Variants in CA8 observed in about 807,000 individuals in gnomAD.
CA8 encodes the protein carbonic anhydrase-related protein.
Under a neutral mutation model 41.4 loss-of-function variants are expected in CA8, and 22 were observed. The ratio of observed to expected loss-of-function variants is 0.53; its 90% CI spans 0.38 to 0.76. The LOEUF (loss-of-function observed/expected upper bound fraction) is 0.76, where lower values mean the gene tolerates loss of function less well. Among genes scored for constraint, CA8 ranks in the 30% least tolerant of loss-of-function variants. The pLI is 0.00. For missense variants in CA8, 270 were observed against 352.8 expected, an observed-to-expected ratio of 0.77 and a Z score of 1.88; for synonymous variants, 121 against 130.6, an observed-to-expected ratio of 0.93 and a Z score of 0.50.
At chr8:60,245,761 CAA>C (rs1434366069) in intron 3 of CA8, among the ~76,000 whole-genome samples, 1 of 152,030 alleles carries the variant, frequency 6.6e-6, no homozygotes, top group Non-Finnish European at 1.5e-5. Flanking sequence ...GTGAGGTTTT[CAA>C]AAAGGTCAAT....
At position 60,187,532 on chromosome 8, in the gene CA8, A is replaced by C. The variant is rs141197156; in HGVS notation, c.*2489T>G. 6.6e-6 allele frequency: 1 copy of C among 152,224 alleles called. No homozygotes were observed. The highest frequency in any genetic ancestry group is 1.9e-4 in the East Asian group (1 of 5,182). The allele number at this position is 152,224 out of a possible 1,614,324, so 9.4% of individuals were successfully genotyped here. On this transcript the variant is annotated 3_prime_UTR_variant, in exon 9 of 9. Transcript: ENST00000317995. ...CATAGAGAATACAAACACAATAGAGAAAACCCCAAAATCCACTTTGGCTCC... is the reference window on the plus strand; with the variant it reads ...CATAGAGAATACAAACACAATAGAGCAAACCCCAAAATCCACTTTGGCTCC...
chr8:60,268,489 C>T (rs570198272), intron 2 of CA8, among the ~76,000 whole-genome samples: 199 of 152,274 alleles, frequency 1.3e-3, no homozygotes, highest in African/African-American at 5.5e-4. Flanking sequence ...ATATACTCCC[C>T]GCATGACCAA....
At chr8:60,229,160 G>GTT (rs11461598) in intron 4 of CA8, among the ~76,000 whole-genome samples, 2,301 of 149,398 alleles carry the variant, frequency 0.015, 63 homozygotes, top group African/African-American at 0.051. Flanking sequence ...TGAACCACCT[G>GTT]TTTTTTTTTT....
chr8:60,280,168 G>C (rs1458188016), intron 1 of CA8, among the ~76,000 whole-genome samples: 1 of 152,096 alleles, frequency 6.6e-6, no homozygotes, highest in African/African-American at 2.4e-5. Flanking sequence ...TCATTTTTAA[G>C]TGATTAGGAA....
rs1806042002 is a variant in CA8, at chr8:60,189,063, C to T, written c.*958G>A. 1 of 152,086 alleles carries T rather than the reference C, an allele frequency of 6.6e-6. No individual in the cohort carries two copies. Among genetic ancestry groups the T allele is most frequent in the African/African-American group, 2.4e-5 (1 of 41,422 alleles). 9.4% of individuals were successfully genotyped at this position (152,086 alleles called of 1,614,324 possible). On this transcript the variant is annotated 3_prime_UTR_variant, in exon 9 of 9. Transcript: ENST00000317995. The stretch of plus-strand genomic sequence containing the variant: ...TATCTCATTCTGTCACATCTAACGG[C>T]AACTAAGTATACGCTTACATCTGCT...
intron 5 of CA8, 89 bp from the exon 6 acceptor site, chr8:60,224,674 G>T: frequency 1.2e-6 from 1 of 848,206 alleles, no homozygotes; most frequent in Non-Finnish European, 2.0e-6. Context: ...AAATTAGAAT[G>T]AAGTCTTTTC....
At chr8:60,241,171 T>C (rs1169464322) in intron 3 of CA8, among the ~76,000 whole-genome samples, 1 of 152,242 alleles carries the variant, frequency 6.6e-6, no homozygotes, top group Non-Finnish European at 1.5e-5. Context: ...CAATATATTA[T>C]GCTGCTATTA....
chr8:60,275,323 C>T (rs374690067), intron 2 of CA8, among the ~76,000 whole-genome samples: 1 of 151,350 alleles, frequency 6.6e-6, no homozygotes, highest in East Asian at 1.9e-4. Context: ...GGAGAACCTC[C>T]GAAATAAAAG....
intron 3 of CA8, among the ~76,000 whole-genome samples, chr8:60,238,462 C>G (rs1807908926): frequency 6.6e-6 from 1 of 152,088 alleles, no homozygotes; most frequent in Non-Finnish European, 1.5e-5. Flanking sequence ...CTTCTTGACA[C>G]CTCAAGATGA....
At chr8:60,271,540 T>C (rs1804074464) in intron 2 of CA8, among the ~76,000 whole-genome samples, 1 of 152,186 alleles carries the variant, frequency 6.6e-6, no homozygotes. Context: ...AAAAGTAGGA[T>C]TAATAATCAT....
In CA8 at chr8:60,224,601, AT is replaced by A; in HGVS notation, c.577-17del. On this transcript the variant is annotated splice_polypyrimidine_tract_variant and intron_variant, in intron 5 of 8. Coordinates refer to ENST00000317995, the MANE Select transcript of CA8 (RefSeq NM_004056.6). The stretch of plus-strand genomic sequence containing the variant: ...TGGACTTCCCCTGAAAAAGAAAAAA[AT>A]ATTTACCCAATGTTAATGTAATATT... 4.9e-6 allele frequency: 7 copies of A among 1,422,236 alleles called. No homozygotes were observed. The highest frequency in any genetic ancestry group is 6.9e-6 in the Non-Finnish European group (7 of 1,007,510). The allele number at this position is 1,422,236 out of a possible 1,614,324, so 88.1% of individuals were successfully genotyped here. A position where few individuals can be genotyped will look rare whatever the true frequency, so the allele number is the denominator to read the frequency against.
intron 2 of CA8, among the ~76,000 whole-genome samples, chr8:60,272,057 G>T (rs947734965): frequency 1.1e-4 from 16 of 152,254 alleles, no homozygotes; most frequent in Non-Finnish European, 1.6e-4. Flanking sequence ...ATGTTAGGAG[G>T]GAGGGACTCT....
At chr8:60,201,990 T>C (rs1389607985) in intron 8 of CA8, among the ~76,000 whole-genome samples, 2 of 152,160 alleles carry the variant, frequency 1.3e-5, no homozygotes, top group Non-Finnish European at 2.9e-5. Flanking sequence ...TTTCATTGGT[T>C]GTATAGTTTG....
intron 8 of CA8, among the ~76,000 whole-genome samples, chr8:60,195,982 A>T (rs1486262029): frequency 6.6e-6 from 1 of 152,150 alleles, no homozygotes; most frequent in East Asian, 1.9e-4. Context: ...AGACATTTTT[A>T]AAAGGGTGCC....
At chr8:60,246,944 C>T (rs985618219) in intron 3 of CA8, among the ~76,000 whole-genome samples, 2 of 133,466 alleles carry the variant, frequency 1.5e-5, no homozygotes, top group Admixed American at 9.1e-5. Context: ...AGTTCAGTGG[C>T]GCGATCTCGG....
intron 8 of CA8, among the ~76,000 whole-genome samples, chr8:60,192,486 A>C (rs995623957): frequency 6.6e-6 from 1 of 152,160 alleles, no homozygotes; most frequent in Admixed American, 6.6e-5. Context: ...ATAAATGTGA[A>C]GTATGGCCCA....
chr8:60,240,822 C>T (rs1331879876), intron 3 of CA8, among the ~76,000 whole-genome samples: 2 of 151,986 alleles, frequency 1.3e-5, no homozygotes, highest in African/African-American at 4.8e-5. Context: ...CTCTGCCACA[C>T]TCAAAACAGC....
intron 3 of CA8, among the ~76,000 whole-genome samples, chr8:60,247,558 A>T (rs748592890): frequency 7.9e-5 from 12 of 152,200 alleles, no homozygotes; most frequent in Non-Finnish European, 1.2e-4. Flanking sequence ...TTCCAGCTTC[A>T]TCCATGTCCC....
chr8:60,279,925 T>C (rs1804355430), intron 1 of CA8, 45 bp from the exon 2 acceptor site: 3 of 1,514,996 alleles, frequency 2.0e-6, no homozygotes, highest in African/African-American at 1.4e-5. Flanking sequence ...AAAAAATAAA[T>C]TACAGTAAAA....
Sources: gnomAD v4.1 joint callset for allele counts (sites outside exome capture counted in the v4.1 genomes callset) on GRCh38, gnomAD v4.1.1 for gene constraint, MANE v1.5 for transcripts, NCBI Gene and HGNC (gene_info 2026-07-23, HGNC 2026-07-21) for gene names.